MED23: variants seen among roughly 807,000 people sequenced by gnomAD.
MED23 encodes mediator complex subunit 23, also known as mediator of RNA polymerase II transcription subunit 23.
Under a neutral mutation model 163.9 loss-of-function variants are expected in MED23, and 105 were observed. The ratio of observed to expected loss-of-function variants is 0.64; its 90% CI spans 0.55 to 0.75. MED23 has a LOEUF of 0.75. Ranked by LOEUF, MED23 falls within the 30% of genes least tolerant of loss-of-function variation. The pLI is 0.00. For missense variants in MED23, 1,054 were observed against 1,649.0 expected (o/e 0.64, Z 6.25); for synonymous variants, 561 against 565.6 (o/e 0.99, Z 0.12).
At chr6:131,601,016 G>A (rs1008033013) in intron 17 of MED23, among the ~76,000 whole-genome samples, 3 of 150,490 alleles carry the variant, frequency 2.0e-5, no homozygotes, top group Non-Finnish European at 1.5e-5. Context: ...GTGACTGACT[G>A]AGCACTGAGT....
At chr6:131,587,924 T>C (rs1291120292) in intron 28 of MED23, 78 bp from the exon 29 acceptor site, 11 of 1,267,592 alleles carry the variant, frequency 8.7e-6, no homozygotes, top group African/African-American at 4.4e-5. Context: ...GATTTACACA[T>C]ATCCGGAGAC....
At chr6:131,578,204 A>G (rs1319557883) in intron 30 of MED23, among the ~76,000 whole-genome samples, 1 of 146,620 alleles carries the variant, frequency 6.8e-6, no homozygotes, top group Admixed American at 6.8e-5. Flanking sequence ...AAAAAAAAAG[A>G]CAAATACAGA....
In MED23 at chr6:131,602,312, G is replaced by T. The variant is rs367747230; in HGVS notation, c.2001C>A (p.Arg667=). Residue 667 remains arginine (R), a synonymous_variant, in exon 17 of 29, where the codon CGC becomes CGA. Transcript: ENST00000368068. ...GCACTGTTTTGGGATCACTAAGGAA[G>T]CGTGTAAACTGCGGTTGTACCTCTG... ...GSSEVQPQFT[R]FLSDPKTVLS... is the part of the protein sequence containing the mutation. 1.1e-5 allele frequency: 18 copies of T among 1,613,780 alleles called. No homozygotes were observed. The highest frequency in any genetic ancestry group is 1.6e-4 in the Middle Eastern group (1 of 6,082).
chr6:131,586,599 A>G (rs2114560861), downstream of MED23: 1 of 319,050 alleles, frequency 3.1e-6, no homozygotes, highest in African/African-American at 2.2e-5. Context: ...TCTTTTTAAA[A>G]GAATCTGTAA....
chr6:131,592,308 T>C, intron 25 of MED23, 80 bp downstream of exon 25: 2 of 1,211,004 alleles, frequency 1.7e-6, no homozygotes, highest in Admixed American at 3.4e-5. Flanking sequence ...GGGCATCCTA[T>C]ATGCATCTTT....
At chr6:131,589,436 T>C (rs759732285) in intron 28 of MED23, 29 bp downstream of exon 28, 22 of 1,588,194 alleles carry the variant, frequency 1.4e-5, no homozygotes, top group Non-Finnish European at 1.8e-5. Flanking sequence ...TTAAACATCA[T>C]TAAAAATAAT....
chr6:131,592,088 G>A, intron 25 of MED23: 1 of 417,370 alleles, frequency 2.4e-6, no homozygotes, highest in Non-Finnish European at 4.3e-6. Context: ...ACGTTAAGTG[G>A]CCAAGAGTAG....
At chr6:131,627,304 A>G in intron 3 of MED23, 92 bp downstream of exon 3, 2 of 891,532 alleles carry the variant, frequency 2.2e-6, no homozygotes, top group Non-Finnish European at 1.8e-6. Flanking sequence ...AGATCTTAAG[A>G]GCAGCATGAA....
chr6:131,620,781 C>T, intron 6 of MED23, 52 bp from the exon 7 acceptor site: 1 of 1,042,472 alleles, frequency 9.6e-7, no homozygotes, highest in South Asian at 1.5e-5. Flanking sequence ...ACATATAAGC[C>T]CTTTATTTTA....
At chr6:131,619,176 C>T (rs1020109029) in intron 8 of MED23, among the ~76,000 whole-genome samples, 12 of 152,142 alleles carry the variant, frequency 7.9e-5, no homozygotes, top group African/African-American at 2.9e-4. Flanking sequence ...AGCTAGAAAC[C>T]TGATAATTAT....
chr6:131,596,554 C>T lies in MED23; in HGVS notation c.2742G>A (p.Gln914=). The T allele has an allele frequency of 6.2e-7, 1 of 1,614,168 alleles. No individual in the cohort carries two copies. Among genetic ancestry groups the T allele is most frequent in the South Asian group, 1.1e-5 (1 of 91,082 alleles). ...VKENSPEHWL[Q]NDWHTKHMNY... is the part of the protein sequence containing the mutation. Reference sequence around the variant, plus strand: ...TCATGTGCTTGGTGTGCCAGTCATTCTGTAACCAGTGCTCTGGGGAATTTT... The same window carrying T: ...TCATGTGCTTGGTGTGCCAGTCATTTTGTAACCAGTGCTCTGGGGAATTTT... The change falls in exon 21 of 29, where the codon CAG becomes CAA. Residue 914 remains glutamine, a synonymous_variant. Coordinates refer to ENST00000368068, the MANE Select transcript of MED23 (RefSeq NM_004830.4).
intron 17 of MED23, among the ~76,000 whole-genome samples, chr6:131,600,634 A>G (rs746087948): frequency 1.3e-5 from 2 of 152,244 alleles, no homozygotes; most frequent in Non-Finnish European, 2.9e-5. Context: ...GGTTGCTAAA[A>G]CCAATAACTA....
At chr6:131,596,945 C>T (rs2114623306) in intron 20 of MED23, among the ~76,000 whole-genome samples, 1 of 152,268 alleles carries the variant, frequency 6.6e-6, no homozygotes, top group Admixed American at 6.5e-5. Flanking sequence ...ACAGCTATCA[C>T]CTAAGCAGAT....
chr6:131,627,932 G>T, intron 1 of MED23, 79 bp downstream of exon 1: 1 of 1,580,196 alleles, frequency 6.3e-7, no homozygotes, highest in Non-Finnish European at 8.7e-7. Flanking sequence ...AGGTTGCCCA[G>T]GCCAGTTTCC....
At chr6:131,620,511 G>A in intron 7 of MED23, 117 bp downstream of exon 7, 1 of 722,154 alleles carries the variant, frequency 1.4e-6, no homozygotes, top group South Asian at 1.5e-5. Flanking sequence ...TGTTACCCAG[G>A]TTGGGTCTTG....
downstream of MED23, chr6:131,583,808 C>A: frequency 6.2e-7 from 1 of 1,614,116 alleles, no homozygotes; most frequent in African/African-American, 1.3e-5. Context: ...GAAGAAGTAA[C>A]TCGAACAGTG....
Position 131,624,922 on chromosome 6 carries a change from A to AT in MED23, c.226dup (p.Ile76AsnfsTer6), listed in dbSNP as rs1468830555. 2.5e-6 allele frequency: 4 copies of AT among 1,613,610 alleles called. No homozygotes were observed. Among genetic ancestry groups the AT allele is most frequent in the Non-Finnish European group, 3.4e-6 (4 of 1,179,774 alleles). On this transcript the variant is annotated frameshift_variant, in exon 4 of 29. Transcript: ENST00000368068. LOFTEE classifies it high-confidence loss of function. ...TGCTAAGCAGTCATAAAGAAAAGAA[A>AT]TTCTTTTAGGACTATGCTGACCATG...
intron 10 of MED23, among the ~76,000 whole-genome samples, chr6:131,610,656 T>C (rs2114701246): frequency 6.6e-6 from 1 of 152,310 alleles, no homozygotes; most frequent in Non-Finnish European, 1.5e-5. Context: ...TTTACAGGCA[T>C]CAAACATTGT....
chr6:131,591,641 G>T (rs573886657), intron 25 of MED23, 114 bp from the exon 26 acceptor site: 47 of 807,464 alleles, frequency 5.8e-5, no homozygotes, highest in South Asian at 5.3e-4. Flanking sequence ...TCCAGCTTCT[G>T]CACAATACAG....
Sources: allele counts gnomAD v4.1 joint callset (sites outside exome capture counted in the v4.1 genomes callset), GRCh38; gene constraint gnomAD v4.1.1; transcripts MANE v1.5; gene names NCBI Gene and HGNC (gene_info 2026-07-23, HGNC 2026-07-21).